The following STAC variants were observed in gnomAD, a reference collection of about 807,000 sequenced individuals.
STAC encodes the protein SH3 and cysteine-rich domain-containing protein.
STAC carries 43 observed loss-of-function variants against 48.8 expected under a neutral mutation model. That is an observed-to-expected ratio of 0.88 (90% CI 0.69 to 1.14). The LOEUF is 1.14. STAC is among the 50% of genes most tolerant of loss of function. STAC has a pLI of 0.00. For synonymous variants in STAC, 193 were observed against 179.5 expected (o/e 1.07, Z -0.60); for missense variants, 497 against 504.0 (o/e 0.99, Z 0.13).
intron 2 of STAC, among the ~76,000 whole-genome samples, chr3:36,472,097 T>C (rs1697355549): frequency 1.3e-5 from 2 of 152,228 alleles, no homozygotes; most frequent in African/African-American, 4.8e-5. Flanking sequence ...TCTTCTGAAA[T>C]CTAGGCGGAG....
At chr3:36,479,567 T>C (rs901402515) in intron 2 of STAC, among the ~76,000 whole-genome samples, 9 of 152,196 alleles carry the variant, frequency 5.9e-5, no homozygotes, top group Non-Finnish European at 1.2e-4. Context: ...TTCAGTGGCA[T>C]CTTTGTTTCC....
At chr3:36,532,636 C>T (rs1699098756) in intron 10 of STAC, among the ~76,000 whole-genome samples, 1 of 152,108 alleles carries the variant, frequency 6.6e-6, no homozygotes, top group African/African-American at 2.4e-5. Flanking sequence ...TGACAATACC[C>T]CTGGAAACCT....
chr3:36,471,565 C>G (rs190020085), intron 2 of STAC, among the ~76,000 whole-genome samples: 133 of 152,264 alleles, frequency 8.7e-4, no homozygotes, highest in African/African-American at 3.0e-3. Context: ...CAAAAGGGAG[C>G]TAGTTACTTC....
intron 2 of STAC, among the ~76,000 whole-genome samples, chr3:36,453,063 T>C (rs1229478874): frequency 6.6e-6 from 1 of 152,230 alleles, no homozygotes; most frequent in African/African-American, 2.4e-5. Flanking sequence ...TTTGTGGAAG[T>C]TGGGAAGCCA....
At chr3:36,450,495 A>G (rs6792390) in intron 2 of STAC, among the ~76,000 whole-genome samples, 106,863 of 152,058 alleles carry the variant, frequency 0.7, 38,101 homozygotes, top group African/African-American at 0.82. Context: ...GGTCATAATA[A>G]GGATATCTTC....
chr3:36,408,112 C>G (rs1174643090), intron 1 of STAC, among the ~76,000 whole-genome samples: 1 of 152,222 alleles, frequency 6.6e-6, no homozygotes, highest in Non-Finnish European at 1.5e-5. Flanking sequence ...TCACTCCAGT[C>G]AGCCAGGGTG....
At chr3:36,538,094 A>G (rs2125502006) in intron 10 of STAC, among the ~76,000 whole-genome samples, 1 of 152,298 alleles carries the variant, frequency 6.6e-6, no homozygotes, top group East Asian at 1.9e-4. Flanking sequence ...TTACCAACAT[A>G]AACACTGGCA....
intron 7 of STAC, among the ~76,000 whole-genome samples, chr3:36,505,427 C>T (rs780198739): frequency 2.6e-5 from 4 of 152,050 alleles, no homozygotes; most frequent in African/African-American, 4.8e-5. Flanking sequence ...AGAATATTCC[C>T]ATTTCTGAAG....
chr3:36,525,894 A>C (rs1378880744), intron 8 of STAC, among the ~76,000 whole-genome samples: 2 of 152,258 alleles, frequency 1.3e-5, no homozygotes, highest in Admixed American at 1.3e-4. Flanking sequence ...TTAACTGAGA[A>C]TTGAAAATGA....
chr3:36,512,495 C>G (rs1361780822), intron 8 of STAC, among the ~76,000 whole-genome samples: 1 of 151,898 alleles, frequency 6.6e-6, no homozygotes, highest in African/African-American at 2.4e-5. Flanking sequence ...AGAGATCCTA[C>G]AGCTTTATAT....
At chr3:36,406,086 CA>C (rs1356762303) in intron 1 of STAC, among the ~76,000 whole-genome samples, 13 of 152,184 alleles carry the variant, frequency 8.5e-5, no homozygotes, top group Non-Finnish European at 1.8e-4. Context: ...CCTCTATTAG[CA>C]TGGTCCCAGT....
At chr3:36,534,395 AC>A (rs562437320) in intron 10 of STAC, among the ~76,000 whole-genome samples, 83 of 152,326 alleles carry the variant, frequency 5.4e-4, no homozygotes, top group Admixed American at 1.6e-3. Flanking sequence ...GGTTAATGCC[AC>A]CTAAACTTAC....
At chr3:36,410,105 T>C (rs545427127) in intron 1 of STAC, among the ~76,000 whole-genome samples, 2 of 152,300 alleles carry the variant, frequency 1.3e-5, no homozygotes, top group Admixed American at 1.3e-4. Flanking sequence ...AGAAAAATCT[T>C]TCCATTCTTG....
At chr3:36,505,193 G>A (rs866749906) in intron 7 of STAC, among the ~76,000 whole-genome samples, 5 of 152,024 alleles carry the variant, frequency 3.3e-5, no homozygotes, top group South Asian at 2.1e-4. Flanking sequence ...TGTCATTATT[G>A]CAAGGTTTCA....
At chr3:36,441,692 A>G (rs1249947301) in intron 1 of STAC, among the ~76,000 whole-genome samples, 2 of 152,190 alleles carry the variant, frequency 1.3e-5, no homozygotes, top group Non-Finnish European at 2.9e-5. Flanking sequence ...TAGTGGTTGC[A>G]CTAGTTTACA....
intron 2 of STAC, among the ~76,000 whole-genome samples, chr3:36,453,463 C>A (rs879779909): frequency 6.6e-6 from 1 of 152,202 alleles, no homozygotes; most frequent in African/African-American, 2.4e-5. Flanking sequence ...CCACCGGCCC[C>A]GGGCAGTGAG....
At chr3:36,507,796 A>C (rs191434665) in intron 8 of STAC, among the ~76,000 whole-genome samples, 263 of 151,572 alleles carry the variant, frequency 1.7e-3, no homozygotes, top group African/African-American at 6.0e-3. Flanking sequence ...TGTCTATTTG[A>C]TTCTTCTTTC....
intron 1 of STAC, among the ~76,000 whole-genome samples, chr3:36,406,187 T>C (rs750839814): frequency 6.6e-6 from 1 of 152,200 alleles, no homozygotes; most frequent in Non-Finnish European, 1.5e-5. Context: ...AATGGCCTGC[T>C]TAGGTCTGCT....
intron 1 of STAC, among the ~76,000 whole-genome samples, chr3:36,433,404 A>T (rs376165855): frequency 1.3e-5 from 2 of 152,322 alleles, no homozygotes; most frequent in East Asian, 3.9e-4. Context: ...CCTAGAACTG[A>T]GGGATGCCAT....
Sources: gnomAD v4.1 joint callset for allele counts (sites outside exome capture counted in the v4.1 genomes callset) on GRCh38, gnomAD v4.1.1 for gene constraint, MANE v1.5 for transcripts, NCBI Gene and HGNC (gene_info 2026-07-23, HGNC 2026-07-21) for gene names.